TMPRSS11D: variants seen among roughly 807,000 people sequenced by gnomAD.
TMPRSS11D encodes the protein transmembrane protease serine 11D.
TMPRSS11D carries 32 observed loss-of-function variants against 44.4 expected under a neutral mutation model. The ratio of observed to expected loss-of-function variants is 0.72; its 90% confidence interval spans 0.54 to 0.97. The LOEUF (loss-of-function observed/expected upper bound fraction) is 0.97, where lower values mean the gene tolerates loss of function less well. Ranked by LOEUF, TMPRSS11D falls within the 50% of genes least tolerant of loss-of-function variation. The pLI is 0.00. For missense variants in TMPRSS11D, 446 were observed against 502.6 expected (o/e 0.89, Z 1.08); for synonymous variants, 179 against 177.9 (o/e 1.01, Z -0.05).
intron 1 of TMPRSS11D, among the ~76,000 whole-genome samples, chr4:67,876,912 G>A (rs980754200): frequency 1.3e-5 from 2 of 152,114 alleles, no homozygotes; most frequent in Non-Finnish European, 2.9e-5. Flanking sequence ...CCCCTTAGCA[G>A]CATTTCCCAC....
At chr4:67,853,193 G>A (rs9312190) in intron 3 of TMPRSS11D, among the ~76,000 whole-genome samples, 93,451 of 152,000 alleles carry the variant, frequency 0.61, 29,293 homozygotes, top group East Asian at 0.88. Flanking sequence ...AACAGGCTGT[G>A]AGAGATTTGT....
intron 9 of TMPRSS11D, among the ~76,000 whole-genome samples, chr4:67,824,699 A>G (rs1399439258): frequency 6.6e-6 from 1 of 152,104 alleles, no homozygotes; most frequent in Non-Finnish European, 1.5e-5. Flanking sequence ...CTTTTTATCC[A>G]CTTTTTAAAG....
chr4:67,874,864 A>G (rs1172220610), intron 1 of TMPRSS11D, among the ~76,000 whole-genome samples: 2 of 152,174 alleles, frequency 1.3e-5, no homozygotes, highest in African/African-American at 2.4e-5. Context: ...TGTATTCATC[A>G]TGGTTCATTC....
intron 7 of TMPRSS11D, among the ~76,000 whole-genome samples, chr4:67,831,982 G>A (rs1233188354): frequency 1.3e-5 from 2 of 152,102 alleles, no homozygotes; most frequent in African/African-American, 4.8e-5. Flanking sequence ...GTACCATGAA[G>A]TAGTGCCTAT....
At chr4:67,882,342 A>G (rs1036605381) in intron 1 of TMPRSS11D, among the ~76,000 whole-genome samples, 1 of 152,192 alleles carries the variant, frequency 6.6e-6, no homozygotes, top group African/African-American at 2.4e-5. Flanking sequence ...GCTGCTATTT[A>G]TTAGTAGTAG....
intron 1 of TMPRSS11D, among the ~76,000 whole-genome samples, chr4:67,870,841 C>A (rs1282196346): frequency 6.6e-6 from 1 of 151,206 alleles, no homozygotes; most frequent in South Asian, 2.1e-4. Context: ...ATTGCACCTC[C>A]TCTCTCTGCT....
intron 7 of TMPRSS11D, among the ~76,000 whole-genome samples, chr4:67,829,977 G>C (rs1431916552): frequency 6.6e-6 from 1 of 151,996 alleles, no homozygotes; most frequent in Non-Finnish European, 1.5e-5. Context: ...TGAAATTCCT[G>C]AAGGTTTACA....
intron 6 of TMPRSS11D, chr4:67,833,656 G>A (rs950884297): frequency 7.6e-5 from 20 of 262,212 alleles, no homozygotes; most frequent in Non-Finnish European, 3.6e-5. Context: ...TTCCTCATGA[G>A]TTGAGGTTAA....
rs750689867 is a variant in TMPRSS11D at position 67,854,138 on chromosome 4, T to C, written c.179A>G (p.Glu60Gly). 4.4e-6 allele frequency: 7 copies of C among 1,599,528 alleles called. No homozygotes were observed. Among genetic ancestry groups the C allele is most frequent in the Non-Finnish European group, 5.1e-6 (6 of 1,174,628 alleles). Residue 60 changes from glutamate to glycine, a missense_variant, in exon 3 of 10, where the codon GAA becomes GGA. Transcript: ENST00000283916. ...TGGTGAATTTAACTGACTATTATAT[T>C]CAACATTTAGGAGTTGAAAACTGCT... ...YRSSFQLLNV[E>G]YNSQLNSPAT... is the part of the protein sequence containing the mutation.
Position 67,842,629 on chromosome 4 carries a change from TAGAA to T in TMPRSS11D, c.250-8_250-5del, listed in dbSNP as rs1560540835. Reference sequence around the variant, plus strand: ...ATTCTTTGAATGTTTTAGTAATCTGTAGAAAGAAAGAGAGGGGGAATCTCTCTGT... The same window carrying T: ...ATTCTTTGAATGTTTTAGTAATCTGTAGAAAGAGAGGGGGAATCTCTCTGT... On this transcript the variant is annotated splice_region_variant and splice_polypyrimidine_tract_variant and intron_variant, in intron 3 of 9. Transcript: ENST00000283916. 6 of 1,606,028 alleles carry T rather than the reference TAGAA, an allele frequency of 3.7e-6. No homozygotes were observed. Among genetic ancestry groups the T allele is most frequent in the East Asian group, 2.2e-5 (1 of 44,718 alleles).
chr4:67,868,232 C>T (rs1718971434), intron 1 of TMPRSS11D, among the ~76,000 whole-genome samples: 1 of 152,064 alleles, frequency 6.6e-6, no homozygotes, highest in East Asian at 1.9e-4. Flanking sequence ...CATGTTCTCA[C>T]TTATACATGG....
chr4:67,829,833 A>T lies in TMPRSS11D; in HGVS notation c.693-2313T>A, dbSNP rs527345688. Among the ~76,000 whole-genome samples the T allele has an allele frequency of 3.9e-5, 6 of 152,178 alleles. No homozygotes were observed. In the South Asian group the frequency reaches 1.2e-3, roughly 32 times the overall value. On this transcript the variant is annotated intron_variant, in intron 7 of 9. Coordinates refer to ENST00000283916, the MANE Select transcript of TMPRSS11D (RefSeq NM_004262.3). ...TGAGCATCTTGTGTACATTTAAAAGATTGATAAAACTTAAACAAAAGAATA... is the reference window on the plus strand; with the variant it reads ...TGAGCATCTTGTGTACATTTAAAAGTTTGATAAAACTTAAACAAAAGAATA...
At chr4:67,859,535 G>A in intron 2 of TMPRSS11D, 22 bp downstream of exon 2, 1 of 1,610,334 alleles carries the variant, frequency 6.2e-7, no homozygotes, top group Non-Finnish European at 8.5e-7. Flanking sequence ...AATCTGAAGA[G>A]TAATAATGTT....
At chr4:67,825,423 A>T (rs748823387) in intron 9 of TMPRSS11D, among the ~76,000 whole-genome samples, 1 of 123,696 alleles carries the variant, frequency 8.1e-6, no homozygotes, top group Non-Finnish European at 1.7e-5. Context: ...GTTAGGTGCT[A>T]TTATGATTAT....
chr4:67,838,241 C>T lies in TMPRSS11D; in HGVS notation c.406G>A (p.Glu136Lys), dbSNP rs140680440. 223 of 1,601,274 alleles carry T rather than the reference C, an allele frequency of 1.4e-4. 1 individual carries two copies. The highest frequency in any genetic ancestry group is 1.0e-3 in the South Asian group (89 of 88,524). ...NNGASMKSRI[E>K]SVLRQMLNNS... ...TTCAGCATTTGTCGTAAAACAGACT[C>T]AATTCTGCTTTTCATTGATGCTCCA... The change falls in exon 5 of 10, where the codon GAG (glutamate) becomes AAG (lysine). Residue 136 changes from glutamate to lysine, a missense_variant. Transcript: ENST00000283916.
At chr4:67,857,314 TATATATATACACACAC>T (rs1718674067) in intron 2 of TMPRSS11D, among the ~76,000 whole-genome samples, 10 of 1,204 alleles carry the variant, frequency 8.3e-3, no homozygotes, top group African/African-American at 0.015. Flanking sequence ...TATATATATA[TATATATATACACACAC>T]ACACACACAC....
At chr4:67,853,961 G>A (rs552129334) in intron 3 of TMPRSS11D, 107 bp downstream of exon 3, 1 of 644,870 alleles carries the variant, frequency 1.6e-6, no homozygotes, top group East Asian at 3.0e-5. Flanking sequence ...TTCAAGGAAG[G>A]AAAATATGTA....
intron 7 of TMPRSS11D, among the ~76,000 whole-genome samples, chr4:67,831,003 G>C (rs1164275988): frequency 6.6e-6 from 1 of 152,044 alleles, no homozygotes. Flanking sequence ...ATTAATTATA[G>C]TTCAACAAGC....
intron 9 of TMPRSS11D, 124 bp from the exon 10 acceptor site, chr4:67,822,622 C>A (rs1717675871): frequency 9.3e-7 from 1 of 1,076,730 alleles, no homozygotes; most frequent in Non-Finnish European, 1.3e-6. Context: ...CAGCCTATTT[C>A]CTTTTGAAAT....
Sources: gnomAD v4.1 joint callset for allele counts (sites outside exome capture counted in the v4.1 genomes callset) on GRCh38, gnomAD v4.1.1 for gene constraint, MANE v1.5 for transcripts, NCBI Gene and HGNC (gene_info 2026-07-23, HGNC 2026-07-21) for gene names.